Variants in STX18 observed in about 807,000 individuals in gnomAD.
STX18 encodes the protein syntaxin 18, also known as syntaxin-18.
A neutral mutation model predicts 50.1 loss-of-function variants in STX18; 40 were observed. The ratio of observed to expected loss-of-function variants is 0.80; its 90% CI spans 0.62 to 1.04. STX18 has a LOEUF of 1.04. STX18 is among the 50% of genes least tolerant of loss of function. The probability of loss-of-function intolerance (pLI) is 0.00; values close to 1 mark genes in which losing one functional copy is unlikely to be tolerated. For missense variants in STX18, 410 were observed against 415.8 expected (o/e 0.99, Z 0.12); for synonymous variants, 158 against 151.8 (o/e 1.04, Z -0.30).
At chr4:4,454,688 T>C (rs1364394347) in intron 5 of STX18, among the ~76,000 whole-genome samples, 2 of 152,314 alleles carry the variant, frequency 1.3e-5, no homozygotes, top group East Asian at 3.9e-4. Flanking sequence ...CAGATATTTT[T>C]CTTTTGACAG....
chr4:4,457,521 G>A (rs1190015211), intron 3 of STX18, 21 bp from the exon 4 acceptor site: 3 of 1,597,456 alleles, frequency 1.9e-6, no homozygotes, highest in African/African-American at 2.7e-5. Context: ...AAAAGACAAT[G>A]TTCAGGCCTT....
At chr4:4,457,146 T>C (rs757105833) in intron 5 of STX18, 45 bp downstream of exon 5, 5 of 1,510,406 alleles carry the variant, frequency 3.3e-6, no homozygotes, top group Non-Finnish European at 2.8e-6. Flanking sequence ...CTATTATTAG[T>C]AGTACTATTA....
At chr4:4,423,846 A>AACGTGCCACCGCATGTGCTACCACAT in intron 8 of STX18, 1 of 519,254 alleles carries the variant, frequency 1.9e-6, no homozygotes. Context: ...CTCAGTCCCA[A>AACGTGCCACCGCATGTGCTACCACAT]GAGGTGGGTG....
intron 5 of STX18, among the ~76,000 whole-genome samples, chr4:4,454,855 T>C (rs1356454501): frequency 6.6e-6 from 1 of 152,230 alleles, no homozygotes; most frequent in African/African-American, 2.4e-5. Context: ...TGGTGGCTTT[T>C]TGAGGATTAA....
intron 1 of STX18, among the ~76,000 whole-genome samples, chr4:4,489,543 C>G (rs1728853536): frequency 6.6e-6 from 1 of 151,228 alleles, no homozygotes; most frequent in South Asian, 2.1e-4. Context: ...AGCCACCACA[C>G]CCGGCCAGAA....
chr4:4,525,416 C>G (rs1730705511), intron 1 of STX18, among the ~76,000 whole-genome samples: 2 of 152,122 alleles, frequency 1.3e-5, no homozygotes, highest in Admixed American at 1.3e-4. Flanking sequence ...ATTTTTATGG[C>G]TTTTAAAAGA....
intron 1 of STX18, among the ~76,000 whole-genome samples, chr4:4,511,825 G>A (rs983791030): frequency 4.6e-5 from 7 of 151,324 alleles, no homozygotes; most frequent in Non-Finnish European, 8.8e-5. Context: ...AAAACAGAAG[G>A]AGAGGAGATT....
At chr4:4,451,598 T>C (rs1404645293) in intron 5 of STX18, among the ~76,000 whole-genome samples, 1 of 152,230 alleles carries the variant, frequency 6.6e-6, no homozygotes, top group Non-Finnish European at 1.5e-5. Flanking sequence ...TCAAACTTTT[T>C]CATTATTATT....
intron 2 of STX18, among the ~76,000 whole-genome samples, chr4:4,470,204 T>G (rs1727842992): frequency 6.6e-6 from 1 of 152,230 alleles, no homozygotes; most frequent in South Asian, 2.1e-4. Context: ...GGGATCTCAA[T>G]GTCAGCACCT....
intron 1 of STX18, among the ~76,000 whole-genome samples, chr4:4,489,041 A>C (rs1728818516): frequency 6.6e-6 from 1 of 152,202 alleles, no homozygotes; most frequent in Non-Finnish European, 1.5e-5. Flanking sequence ...TTTTTGCTTT[A>C]CTCAAACTGA....
chr4:4,432,221 C>G (rs1258051181), intron 7 of STX18, among the ~76,000 whole-genome samples: 1 of 152,220 alleles, frequency 6.6e-6, no homozygotes, highest in Non-Finnish European at 1.5e-5. Flanking sequence ...TCACTGGAAT[C>G]AGTTTCAAGC....
intron 1 of STX18, among the ~76,000 whole-genome samples, chr4:4,508,536 C>T (rs1729842595): frequency 6.6e-6 from 1 of 152,054 alleles, no homozygotes. Context: ...TGTGTAACAA[C>T]AAACAATTTT....
At chr4:4,540,344 C>T (rs1731527270) in intron 1 of STX18, among the ~76,000 whole-genome samples, 1 of 152,192 alleles carries the variant, frequency 6.6e-6, no homozygotes, top group Non-Finnish European at 1.5e-5. Context: ...ATACACAAAG[C>T]CCTTTAAGAT....
chr4:4,502,868 A>T (rs1260916634), intron 1 of STX18, among the ~76,000 whole-genome samples: 14 of 152,128 alleles, frequency 9.2e-5, no homozygotes, highest in Non-Finnish European at 2.1e-4. Context: ...TGCCCGATGC[A>T]ATCTCCTCCT....
intron 1 of STX18, among the ~76,000 whole-genome samples, chr4:4,510,713 T>G (rs568014646): frequency 6.6e-6 from 1 of 152,232 alleles, no homozygotes; most frequent in African/African-American, 2.4e-5. Context: ...TGTATGTTTT[T>G]TGCAGCACTA....
At chr4:4,427,489 G>A (rs976680788) in intron 7 of STX18, among the ~76,000 whole-genome samples, 6 of 152,218 alleles carry the variant, frequency 3.9e-5, no homozygotes, top group African/African-American at 9.6e-5. Flanking sequence ...ACATGCAGGC[G>A]CCAATTCACT....
chr4:4,527,317 CA>C (rs1187671263), intron 1 of STX18, among the ~76,000 whole-genome samples: 3 of 151,730 alleles, frequency 2.0e-5, no homozygotes, highest in African/African-American at 7.3e-5. Flanking sequence ...AATTCACTCA[CA>C]AAAAAAGGGT....
At chr4:4,434,098 C>T (rs533470737) in intron 7 of STX18, among the ~76,000 whole-genome samples, 23 of 152,358 alleles carry the variant, frequency 1.5e-4, no homozygotes, top group African/African-American at 4.8e-4. Context: ...TCACTGGAGG[C>T]GTGCCGTGTG....
intron 5 of STX18, among the ~76,000 whole-genome samples, chr4:4,443,550 A>G (rs112241356): frequency 1.9e-3 from 285 of 152,378 alleles, no homozygotes; most frequent in African/African-American, 6.6e-3. Flanking sequence ...AAATCATTTT[A>G]TGAGGCCAGT....
Sources: allele counts gnomAD v4.1 joint callset (sites outside exome capture counted in the v4.1 genomes callset), GRCh38; gene constraint gnomAD v4.1.1; transcripts MANE v1.5; gene names NCBI Gene and HGNC (gene_info 2026-07-23, HGNC 2026-07-21).